The following BICD1 variants were observed in gnomAD, a reference collection of about 807,000 sequenced individuals.
BICD1 encodes BICD cargo adaptor 1.
Under a neutral mutation model 92.5 loss-of-function variants are expected in BICD1, and 35 were observed. The observed-to-expected ratio is 0.38, with a 90% CI of 0.29 to 0.50. The LOEUF (loss-of-function observed/expected upper bound fraction) is 0.50, where lower values mean the gene tolerates loss of function less well. Ranked by LOEUF, BICD1 falls within the 20% of genes least tolerant of loss-of-function variation. The pLI is 0.93. For missense variants in BICD1, 950 were observed against 1,189.8 expected (o/e 0.80, Z 2.97); for synonymous variants, 429 against 465.1 (o/e 0.92, Z 1.00).
chr12:32,278,280 T>A (rs1947327477), intron 2 of BICD1, among the ~76,000 whole-genome samples: 1 of 152,204 alleles, frequency 6.6e-6, no homozygotes. Context: ...TATTCATAGT[T>A]ATAAGAAGAT....
intron 1 of BICD1, among the ~76,000 whole-genome samples, chr12:32,211,046 A>G (rs1232937147): frequency 1.3e-5 from 2 of 152,234 alleles, no homozygotes; most frequent in Non-Finnish European, 2.9e-5. Context: ...GTTGCTGACA[A>G]TTAGGAATTA....
chr12:32,180,058 G>A (rs1944228970), intron 1 of BICD1, among the ~76,000 whole-genome samples: 1 of 151,264 alleles, frequency 6.6e-6, no homozygotes, highest in Admixed American at 6.6e-5. Flanking sequence ...CTCGCAGTAG[G>A]TAAAGAAGCA....
At chr12:32,367,518 T>A in intron 8 of BICD1, 152 bp from the exon 9 acceptor site, 1 of 619,078 alleles carries the variant, frequency 1.6e-6, no homozygotes, top group Non-Finnish European at 2.7e-6. Context: ...ATTGGCATCA[T>A]TCAAGAAGAA....
chr12:32,116,615 G>C (rs1478272751), intron 1 of BICD1, among the ~76,000 whole-genome samples: 2 of 151,362 alleles, frequency 1.3e-5, no homozygotes, highest in Non-Finnish European at 2.9e-5. Context: ...GACCTCACAG[G>C]TTCAAGTAAT....
intron 1 of BICD1, among the ~76,000 whole-genome samples, chr12:32,183,769 C>T (rs894235927): frequency 3.9e-5 from 6 of 152,154 alleles, no homozygotes; most frequent in Non-Finnish European, 7.4e-5. Flanking sequence ...CCAGGAAGGC[C>T]AACTGGGAGA....
intron 3 of BICD1, among the ~76,000 whole-genome samples, chr12:32,296,256 GTTT>G (rs373796519): frequency 4.4e-5 from 4 of 90,170 alleles, no homozygotes; most frequent in East Asian, 2.9e-4. Context: ...GTTTTTTTTT[GTTT>G]TTTTTTTTTT....
At chr12:32,291,174 C>A (rs1424658860) in intron 2 of BICD1, among the ~76,000 whole-genome samples, 1 of 152,114 alleles carries the variant, frequency 6.6e-6, no homozygotes, top group Non-Finnish European at 1.5e-5. Context: ...AAAACATCAC[C>A]ATGTTCAAAT....
intron 9 of BICD1, 59 bp downstream of exon 9, chr12:32,367,804 C>A: frequency 6.7e-7 from 1 of 1,481,822 alleles, no homozygotes; most frequent in Non-Finnish European, 9.4e-7. Context: ...TAGACCCCAG[C>A]TCCCCTTTCC....
chr12:32,282,202 CTTTTTTTTTTTTTTT>C lies in BICD1; in HGVS notation c.427-11770_427-11756del, dbSNP rs56217529. Among the ~76,000 whole-genome samples the C allele has an allele frequency of 3.1e-4, 29 of 94,256 alleles. 1 individual carries two copies. The highest frequency in any genetic ancestry group is 3.7e-4 in the East Asian group (1 of 2,738). The allele number at this position is 94,256 out of a possible 152,430, so 61.8% of individuals were successfully genotyped here. A position where few individuals can be genotyped will look rare whatever the true frequency, so the allele number is the denominator to read the frequency against. On this transcript the variant is annotated intron_variant, in intron 2 of 9. Coordinates refer to ENST00000652176, the MANE Select transcript of BICD1 (RefSeq NM_001714.4). ...GCAAGACCCAGCTTCAGGTCTTCTT[CTTTTTTTTTTTTTTT>C]TTTTTTTTTTTTTTTTTTTTTGACA...
intron 8 of BICD1, among the ~76,000 whole-genome samples, chr12:32,354,591 A>T (rs942933766): frequency 6.6e-6 from 1 of 152,206 alleles, no homozygotes; most frequent in African/African-American, 2.4e-5. Flanking sequence ...TTCACCCGAT[A>T]AGTCAGAAAT....
At chr12:32,177,674 GA>G (rs1283189318) in intron 1 of BICD1, among the ~76,000 whole-genome samples, 8 of 112,526 alleles carry the variant, frequency 7.1e-5, no homozygotes, top group African/African-American at 2.5e-4. Context: ...CAGGGATAAA[GA>G]AAACACATTA....
chr12:32,238,359 A>G (rs559361704), intron 2 of BICD1, among the ~76,000 whole-genome samples: 8 of 152,334 alleles, frequency 5.3e-5, no homozygotes, highest in African/African-American at 1.9e-4. Flanking sequence ...ATCTCATGAT[A>G]AAACTTGAAT....
chr12:32,112,361 T>C (rs1004594588), intron 1 of BICD1, among the ~76,000 whole-genome samples: 7 of 152,226 alleles, frequency 4.6e-5, no homozygotes, highest in East Asian at 1.9e-4. Context: ...TTCTCAGATA[T>C]AACTTAGCAA....
intron 2 of BICD1, among the ~76,000 whole-genome samples, chr12:32,240,680 T>A (rs927399694): frequency 3.3e-5 from 5 of 152,152 alleles, no homozygotes; most frequent in African/African-American, 1.2e-4. Flanking sequence ...TTCCCAGGAT[T>A]AGGAACTGGA....
At chr12:32,203,563 G>T (rs767730479) in intron 1 of BICD1, among the ~76,000 whole-genome samples, 5 of 152,178 alleles carry the variant, frequency 3.3e-5, no homozygotes, top group African/African-American at 4.8e-5. Context: ...CTGATTCCTT[G>T]TCTATGAGGA....
Position 32,292,932 on chromosome 12 carries a change from T to TA in BICD1, c.427-1062_427-1061insA, listed in dbSNP as rs1374292499. Among the ~76,000 whole-genome samples the TA allele has an allele frequency of 3.3e-5, 5 of 152,204 alleles. No homozygotes were observed. In the East Asian group the frequency reaches 9.6e-4, roughly 29 times the overall value. On this transcript the variant is annotated intron_variant, in intron 2 of 9. Transcript: ENST00000652176. ...CATAGCTTATACTTGCCATATAAGT[T>TA]TATGGAAAAAGTTAAATATTTTACT...
intron 1 of BICD1, among the ~76,000 whole-genome samples, chr12:32,189,298 A>G (rs761463999): frequency 2.4e-4 from 36 of 152,342 alleles, no homozygotes; most frequent in Middle Eastern, 3.4e-3. Context: ...TTAAGTTTCA[A>G]AGTTATCAGA....
At chr12:32,351,950 T>C (rs2136306729) in intron 8 of BICD1, among the ~76,000 whole-genome samples, 1 of 151,130 alleles carries the variant, frequency 6.6e-6, no homozygotes, top group East Asian at 1.9e-4. Flanking sequence ...CTCACACCTG[T>C]AATCCCAGCA....
rs1948825241 is a variant in BICD1 at position 32,327,791 on chromosome 12, G to C, written c.1336G>C (p.Glu446Gln). 1 of 1,614,102 alleles carries C rather than the reference G, an allele frequency of 6.2e-7. No individual in the cohort carries two copies. Among genetic ancestry groups the C allele is most frequent in the Non-Finnish European group, 8.5e-7 (1 of 1,180,010 alleles). The change falls in exon 5 of 10, where the codon GAA becomes CAA. Residue 446 changes from glutamate (E) to glutamine (Q), a missense_variant. Physicochemically the swap from Glu to Gln is conservative, Grantham distance 29 (BLOSUM62 2). This residue lies in a region of BICD1 where 309 missense variants were observed against 499.4 expected (regional missense o/e 0.62). Transcript: ENST00000652176. ...ALKEKYNKSV[E>Q]NYTDEKAKYE... ...AAAGGAGAAATATAATAAATCTGTA[G>C]AAAACTACACTGATGAGAAGGCCAA...
Sources: gnomAD v4.1 joint callset for allele counts (sites outside exome capture counted in the v4.1 genomes callset) on GRCh38, gnomAD v4.1.1 for gene constraint, gnomAD v4.1.1 regional missense constraint, MANE v1.5 for transcripts, NCBI Gene and HGNC (gene_info 2026-07-23, HGNC 2026-07-21) for gene names.